GORAB: variants seen among roughly 807,000 people sequenced by gnomAD.
GORAB encodes RAB6-interacting golgin.
A neutral mutation model predicts 29.9 loss-of-function variants in GORAB; 17 were observed. The observed-to-expected ratio is 0.57, with a 90% confidence interval of 0.39 to 0.85. GORAB has a LOEUF of 0.85. Among genes scored for constraint, GORAB ranks in the 40% least tolerant of loss-of-function variants. The pLI is 0.00. For missense variants in GORAB, 442 were observed against 437.8 expected, an observed-to-expected ratio of 1.01 and a Z score of -0.09; for synonymous variants, 183 against 157.2, an observed-to-expected ratio of 1.16 and a Z score of -1.23.
At position 170,539,338 on chromosome 1, in the gene GORAB, C is replaced by T. The variant is rs1461050152; in HGVS notation, c.190C>T (p.Gln64Ter). ...TGGATCAACCTCATTACTTCCAGAG[C>T]AGCTGCTTTCAGCACCAAAACAGAG... Reference protein sequence around the residue: ...QDGSTSLLPEQLLSAPKQRVN... With the variant: ...QDGSTSLLPE The change falls in exon 2 of 5, where the codon CAG becomes TAG. Residue 64 changes from glutamine to a stop codon, truncating the protein, a stop_gained. Transcript: ENST00000367763. LOFTEE classifies it high-confidence loss of function. 1.9e-6 allele frequency: 3 copies of T among 1,614,188 alleles called. No homozygotes were observed. Among genetic ancestry groups the T allele is most frequent in the South Asian group, 2.2e-5 (2 of 91,086 alleles).
intron 2 of GORAB, among the ~76,000 whole-genome samples, chr1:170,541,840 C>T (rs1347893133): frequency 6.6e-6 from 1 of 151,968 alleles, no homozygotes; most frequent in Non-Finnish European, 1.5e-5. Flanking sequence ...GGGCTGGGCA[C>T]AGTGGCTCAC....
chr1:170,532,378 C>T, intron 1 of GORAB, 94 bp downstream of exon 1: 1 of 1,396,058 alleles, frequency 7.2e-7, no homozygotes, highest in Non-Finnish European at 1.0e-6. Context: ...GTGGAAGCGG[C>T]TACGTTTGTG....
chr1:170,545,871 A>G (rs1433007999), intron 4 of GORAB: 1 of 390,644 alleles, frequency 2.6e-6, no homozygotes, highest in Non-Finnish European at 3.5e-6. Flanking sequence ...TTATTAATTA[A>G]CTACTTAAAA....
In GORAB at chr1:170,546,606, G is replaced by C. The variant is rs150848953; in HGVS notation, c.662+1761G>C. ...TAGTAAATTTTTAAATCTTTAGTAAGTTACAGATGACAGTTTCTCATGGTA... is the reference window on the plus strand; with the variant it reads ...TAGTAAATTTTTAAATCTTTAGTAACTTACAGATGACAGTTTCTCATGGTA... On this transcript the variant is annotated intron_variant, in intron 4 of 4. Transcript: ENST00000367763. 6.6e-3 allele frequency among the ~76,000 whole-genome samples: 1,009 copies of C among 152,246 alleles called. 13 individuals carry two copies. Among genetic ancestry groups the C allele is most frequent in the African/African-American group, 0.023 (960 of 41,544 alleles).
intron 4 of GORAB, among the ~76,000 whole-genome samples, chr1:170,547,078 C>T (rs144475839): frequency 3.1e-4 from 47 of 152,122 alleles, no homozygotes; most frequent in African/African-American, 1.0e-3. Context: ...CTTGTTCATG[C>T]GTAAGATTAA....
intron 1 of GORAB, among the ~76,000 whole-genome samples, chr1:170,533,264 T>C (rs1648826515): frequency 6.6e-6 from 1 of 152,114 alleles, no homozygotes; most frequent in Admixed American, 6.5e-5. Flanking sequence ...GGCAGACAAG[T>C]GGGAAAAGAA....
At chr1:170,533,862 C>G (rs1315744410) in intron 1 of GORAB, among the ~76,000 whole-genome samples, 4 of 152,202 alleles carry the variant, frequency 2.6e-5, no homozygotes, top group Middle Eastern at 3.4e-3. Flanking sequence ...TAGCTAAACA[C>G]AGTGATTGGC....
intron 1 of GORAB, among the ~76,000 whole-genome samples, chr1:170,534,787 G>T (rs56066714): frequency 6.6e-6 from 1 of 151,846 alleles, no homozygotes; most frequent in African/African-American, 2.4e-5. Flanking sequence ...TGATGTTTGC[G>T]CAAGGACAAA....
At chr1:170,542,897 A>G (rs1649522455) in intron 3 of GORAB, among the ~76,000 whole-genome samples, 1 of 152,212 alleles carries the variant, frequency 6.6e-6, no homozygotes, top group Non-Finnish European at 1.5e-5. Flanking sequence ...AATAGCTATC[A>G]GTATATGTAA....
chr1:170,544,712 A>G lies in GORAB; in HGVS notation c.529A>G (p.Arg177Gly), dbSNP rs745963369. 15 of 1,613,990 alleles carry G rather than the reference A, an allele frequency of 9.3e-6. No individual in the cohort carries two copies. Among genetic ancestry groups the G allele is most frequent in the Non-Finnish European group, 1.0e-5 (12 of 1,179,864 alleles). ...ACATACCTGATTTTCTAGATCCAAA[A>G]GAACTCAGGCAGAGACCATGAAACT... ...LAKAIAERSK[R>G]TQAETMKLKR... The change falls in exon 4 of 5, where the codon AGA (arginine) becomes GGA (glycine). Residue 177 changes from arginine (R) to glycine (G), a missense_variant. Physicochemically the swap from Arg to Gly is moderately radical, Grantham distance 125 (BLOSUM62 -2). Transcript: ENST00000367763.
intron 3 of GORAB, among the ~76,000 whole-genome samples, chr1:170,544,290 C>T (rs776887570): frequency 2.0e-5 from 3 of 152,136 alleles, no homozygotes; most frequent in Non-Finnish European, 4.4e-5. Flanking sequence ...TTAGTATAGA[C>T]ATCTATCTGT....
intron 4 of GORAB, among the ~76,000 whole-genome samples, chr1:170,548,847 A>G (rs1649917817): frequency 6.6e-6 from 1 of 152,242 alleles, no homozygotes; most frequent in Non-Finnish European, 1.5e-5. Flanking sequence ...TATATCTTAG[A>G]TTTATGAAAG....
intron 2 of GORAB, among the ~76,000 whole-genome samples, chr1:170,541,467 G>A (rs1337164166): frequency 1.3e-5 from 2 of 152,000 alleles, no homozygotes; most frequent in Non-Finnish European, 2.9e-5. Context: ...GAACTAAGGC[G>A]CCTGGTGAGG....
intron 2 of GORAB, 33 bp from the exon 3 acceptor site, chr1:170,542,458 T>C: frequency 7.2e-7 from 1 of 1,380,816 alleles, no homozygotes; most frequent in Non-Finnish European, 1.0e-6. Flanking sequence ...TTTTCTTTCA[T>C]AAACTCATTT....
chr1:170,539,019 CATT>C (rs1392920766), intron 1 of GORAB, 188 bp from the exon 2 acceptor site: 1 of 651,206 alleles, frequency 1.5e-6, no homozygotes, highest in South Asian at 2.0e-5. Flanking sequence ...TAAATATTAA[CATT>C]ATGATCTGAA....
chr1:170,539,668 C>A, intron 2 of GORAB, 101 bp downstream of exon 2: 1 of 1,248,722 alleles, frequency 8.0e-7, no homozygotes, highest in South Asian at 1.4e-5. Flanking sequence ...AACATTTTCT[C>A]TCCTTTATAT....
At chr1:170,541,708 T>TTA (rs1649436292) in intron 2 of GORAB, among the ~76,000 whole-genome samples, 1 of 152,218 alleles carries the variant, frequency 6.6e-6, no homozygotes, top group Non-Finnish European at 1.5e-5. Flanking sequence ...TTTAATGTAT[T>TTA]TATTTTAGAA....
intron 1 of GORAB, among the ~76,000 whole-genome samples, chr1:170,535,276 A>T (rs1571238320): frequency 6.6e-6 from 1 of 152,162 alleles, no homozygotes; most frequent in Non-Finnish European, 1.5e-5. Flanking sequence ...CTACTGTCAT[A>T]TTTTATTTCT....
rs961209943 is a variant in GORAB at position 170,553,337 on chromosome 1, G to T, written c.*875G>T. On this transcript the variant is annotated 3_prime_UTR_variant, in exon 5 of 5. Coordinates refer to ENST00000367763, the MANE Select transcript of GORAB (RefSeq NM_152281.3). Reference sequence around the variant, plus strand: ...TACCCTGTCATGAAGCGTTTAAATTGTTAAAATGCTGATTTTCTTATTAGT... The same window carrying T: ...TACCCTGTCATGAAGCGTTTAAATTTTTAAAATGCTGATTTTCTTATTAGT... The T allele has an allele frequency of 6.6e-6, 3 of 452,454 alleles. No homozygotes were observed. The highest frequency in any genetic ancestry group is 6.0e-5 in the African/African-American group (3 of 49,930). 28.0% of individuals were successfully genotyped at this position (452,454 alleles called of 1,614,324 possible).
Sources: allele counts gnomAD v4.1 joint callset (sites outside exome capture counted in the v4.1 genomes callset), GRCh38; gene constraint gnomAD v4.1.1; transcripts MANE v1.5; gene names NCBI Gene and HGNC (gene_info 2026-07-23, HGNC 2026-07-21).